TOX: variants seen among roughly 807,000 people sequenced by gnomAD.
The protein encoded by TOX is thymocyte selection-associated high mobility group box protein TOX.
TOX carries 11 observed loss-of-function variants against 53.7 expected under a neutral mutation model. That is an observed-to-expected ratio of 0.20 (90% CI 0.13 to 0.34). The LOEUF (loss-of-function observed/expected upper bound fraction) is 0.34. TOX is among the 10% of genes least tolerant of loss of function. The pLI, the probability that TOX is intolerant of heterozygous loss-of-function variation, is 1.00. For missense variants in TOX, 570 were observed against 664.6 expected, an observed-to-expected ratio of 0.86 and a Z score of 1.56; for synonymous variants, 225 against 245.3, an observed-to-expected ratio of 0.92 and a Z score of 0.77.
chr8:58,992,658 G>T (rs1329754284), intron 1 of TOX: 1 of 152,082 alleles, frequency 6.6e-6, no homozygotes, highest in Non-Finnish European at 1.5e-5. Context: ...TTAATCAATC[G>T]TGCTTATGTA....
chr8:59,094,453 C>T (rs967525159), intron 1 of TOX, among the ~76,000 whole-genome samples: 2 of 151,962 alleles, frequency 1.3e-5, no homozygotes, highest in Non-Finnish European at 2.9e-5. Flanking sequence ...GCCTGGCCAA[C>T]GTAGTGAAAC....
chr8:59,097,074 G>A (rs1213602538), intron 1 of TOX, among the ~76,000 whole-genome samples: 1 of 152,160 alleles, frequency 6.6e-6, no homozygotes, highest in Non-Finnish European at 1.5e-5. Context: ...GGTGACTGGA[G>A]GTACTCACAG....
chr8:58,833,935 C>A (rs1810506374), intron 5 of TOX, among the ~76,000 whole-genome samples: 1 of 152,178 alleles, frequency 6.6e-6, no homozygotes, highest in Admixed American at 6.5e-5. Context: ...CTTTTGATTT[C>A]TCTTCTTTGA....
intron 3 of TOX, among the ~76,000 whole-genome samples, chr8:58,874,183 C>T (rs182078925): frequency 3.3e-5 from 5 of 151,534 alleles, no homozygotes; most frequent in African/African-American, 4.8e-5. Context: ...TGCTAACAGG[C>T]CCATCCATAT....
At chr8:58,992,203 GAGGTCTA>G (rs1448919445) in intron 1 of TOX, 8 of 152,192 alleles carry the variant, frequency 5.3e-5, no homozygotes, top group African/African-American at 1.9e-4. Context: ...TTAAAACACA[GAGGTCTA>G]AGTCTACAAG....
chr8:58,838,162 G>C lies in TOX; in HGVS notation c.843C>G (p.Gly281=). 2 of 1,614,164 alleles carry C rather than the reference G, an allele frequency of 1.2e-6. No homozygotes were observed. Among genetic ancestry groups the C allele is most frequent in the Non-Finnish European group, 8.5e-7 (1 of 1,180,010 alleles). ...FFRDTQAAIK[G]QNPNATFGEV... ...CGCCAAAGGTAGCGTTTGGATTTTG[G>C]CCCTTGATGGCGGCCTGAGTATCAC... Residue 281 remains glycine (G), a synonymous_variant, in exon 5 of 9, where the codon GGC becomes GGG. Transcript: ENST00000361421.
At chr8:58,890,021 T>C (rs1811533907) in intron 3 of TOX, among the ~76,000 whole-genome samples, 2 of 152,188 alleles carry the variant, frequency 1.3e-5, no homozygotes, top group Admixed American at 1.3e-4. Flanking sequence ...AAAAATATTT[T>C]TAAAAAATTA....
chr8:58,894,758 T>C (rs1180095822), intron 3 of TOX, among the ~76,000 whole-genome samples: 2 of 151,966 alleles, frequency 1.3e-5, no homozygotes, highest in East Asian at 1.9e-4. Flanking sequence ...TAGCCAGGCC[T>C]GGTGGCTGGC....
At chr8:58,942,589 G>A (rs975773611) in intron 2 of TOX, among the ~76,000 whole-genome samples, 2 of 152,144 alleles carry the variant, frequency 1.3e-5, no homozygotes, top group Non-Finnish European at 2.9e-5. Flanking sequence ...CTTAGAACAA[G>A]TTCAATGCCA....
chr8:59,074,245 C>T (rs1193859505), intron 1 of TOX, among the ~76,000 whole-genome samples: 1 of 152,038 alleles, frequency 6.6e-6, no homozygotes, highest in African/African-American at 2.4e-5. Flanking sequence ...ATAATGGGTG[C>T]TTAAGAAACA....
At chr8:58,848,067 G>C (rs540796463) in intron 4 of TOX, among the ~76,000 whole-genome samples, 7 of 151,976 alleles carry the variant, frequency 4.6e-5, no homozygotes, top group Non-Finnish European at 8.8e-5. Flanking sequence ...GGTTTATTCA[G>C]TTACAGAATT....
chr8:59,033,465 C>T (rs993575937), intron 1 of TOX, among the ~76,000 whole-genome samples: 2 of 152,254 alleles, frequency 1.3e-5, no homozygotes, highest in Admixed American at 1.3e-4. Context: ...GATGGTTGCA[C>T]AACAGTGTGA....
intron 1 of TOX, among the ~76,000 whole-genome samples, chr8:59,023,223 T>C (rs565735044): frequency 9.8e-5 from 15 of 152,286 alleles, no homozygotes; most frequent in African/African-American, 3.6e-4. Context: ...TTGAGAATAA[T>C]TTATGAATCC....
At chr8:58,863,341 T>C (rs1467117970) in intron 3 of TOX, among the ~76,000 whole-genome samples, 4 of 152,124 alleles carry the variant, frequency 2.6e-5, no homozygotes, top group East Asian at 1.9e-4. Flanking sequence ...GTTCTCTTAT[T>C]AAAAATATCT....
intron 3 of TOX, among the ~76,000 whole-genome samples, chr8:58,912,275 T>A (rs1811921543): frequency 6.6e-6 from 1 of 152,228 alleles, no homozygotes; most frequent in Admixed American, 6.5e-5. Flanking sequence ...TATTTTGCCC[T>A]CTGACAGGCA....
At chr8:58,959,696 T>G (rs564656462) in intron 2 of TOX, among the ~76,000 whole-genome samples, 42 of 152,328 alleles carry the variant, frequency 2.8e-4, no homozygotes, top group African/African-American at 9.6e-4. Flanking sequence ...TTAGGAAAGA[T>G]CATGCTGGCA....
intron 5 of TOX, among the ~76,000 whole-genome samples, chr8:58,829,359 T>C (rs1810415929): frequency 6.6e-6 from 1 of 152,206 alleles, no homozygotes; most frequent in Non-Finnish European, 1.5e-5. Context: ...CAGAGTCCCC[T>C]GTTTTCTACA....
intron 1 of TOX, among the ~76,000 whole-genome samples, chr8:58,975,123 C>T (rs967003999): frequency 2.7e-5 from 4 of 150,172 alleles, no homozygotes; most frequent in Admixed American, 1.3e-4. Flanking sequence ...TTATGTTTAC[C>T]TATATGTAGA....
At chr8:58,924,680 C>T (rs1306909764) in intron 3 of TOX, among the ~76,000 whole-genome samples, 2 of 152,188 alleles carry the variant, frequency 1.3e-5, no homozygotes, top group African/African-American at 4.8e-5. Context: ...CATCAAGGTG[C>T]CTGAGGAAAC....
Sources: gnomAD v4.1 joint callset for allele counts (sites outside exome capture counted in the v4.1 genomes callset) on GRCh38, gnomAD v4.1.1 for gene constraint, MANE v1.5 for transcripts, NCBI Gene and HGNC (gene_info 2026-07-23, HGNC 2026-07-21) for gene names.